Variants in CEACAM7 observed in about 807,000 individuals in gnomAD.
CEACAM7 encodes the protein CEA cell adhesion molecule 7.
In CEACAM7, 24 loss-of-function variants were observed where a neutral mutation model predicts 25.7. That is an observed-to-expected ratio of 0.93 (90% CI 0.68 to 1.31). The LOEUF is 1.31. Ranked by LOEUF, CEACAM7 falls within the 40% of genes most tolerant of loss-of-function variation. CEACAM7 has a pLI of 0.00. For missense variants in CEACAM7, 324 were observed against 330.1 expected (o/e 0.98, Z 0.14); for synonymous variants, 144 against 129.4 (o/e 1.11, Z -0.77).
At chr19:41,675,158 A>G (rs2072101722) in intron 4 of CEACAM7, among the ~76,000 whole-genome samples, 1 of 152,202 alleles carries the variant, frequency 6.6e-6, no homozygotes, top group Non-Finnish European at 1.5e-5. Context: ...TATAACCAGT[A>G]TTTTTAAATG....
intron 4 of CEACAM7, among the ~76,000 whole-genome samples, chr19:41,675,017 C>G (rs7250319): frequency 0.44 from 67,505 of 151,990 alleles, 16,581 homozygotes; most frequent in Middle Eastern, 0.61. Flanking sequence ...TCAGATTAAA[C>G]TTTTAGAAAC....
At chr19:41,676,309 CTCTTTCT>C (rs1294413747) in intron 4 of CEACAM7, among the ~76,000 whole-genome samples, 1 of 152,172 alleles carries the variant, frequency 6.6e-6, no homozygotes, top group African/African-American at 2.4e-5. Flanking sequence ...CATTAGATTT[CTCTTTCT>C]TCTTGTGGAA....
chr19:41,688,133 C>T lies in CEACAM7; in HGVS notation c.33G>A (p.Val11=). 1 of 1,612,324 alleles carries T rather than the reference C, an allele frequency of 6.2e-7. No individual in the cohort carries two copies. The highest frequency in any genetic ancestry group is 8.5e-7 in the Non-Finnish European group (1 of 1,178,988). ...GCAGGAGCCCCTGCCAGGGAATGCA[C>T]ACTCTGTATGGACAGGCTGAAGGGG... is the stretch of plus-strand genomic sequence containing the variant. The part of the protein sequence containing the change: MGSPSACPYR[V]CIPWQGLLLT... The change falls in exon 1 of 5, where the codon GTG becomes GTA. Residue 11 remains valine, a synonymous_variant. Transcript: ENST00000401731.
At position 41,688,217 on chromosome 19, in the gene CEACAM7, C is replaced by T; in HGVS notation, c.-52G>A. 1 of 1,592,582 alleles carries T rather than the reference C, an allele frequency of 6.3e-7. No individual in the cohort carries two copies. The highest frequency in any genetic ancestry group is 1.1e-5 in the South Asian group (1 of 88,470). Reference sequence around the variant, plus strand: ...TGGAGAAGAGCTTGGGCTCCAGGAACTCTCTTGTCAGGGCTGCTGTGACTG... The same window carrying T: ...TGGAGAAGAGCTTGGGCTCCAGGAATTCTCTTGTCAGGGCTGCTGTGACTG... On this transcript the variant is annotated 5_prime_UTR_variant, in exon 1 of 5. Coordinates refer to ENST00000401731, the MANE Select transcript of CEACAM7 (RefSeq NM_001291485.2).
chr19:41,687,025 A>C lies in CEACAM7; in HGVS notation c.261T>G (p.Ser87Arg), dbSNP rs868937694. Reference protein sequence around the residue: ...YRIIGYVKNISQENAPGPAHN... With the variant: ...YRIIGYVKNIRQENAPGPAHN... ...GTGCGGGCCCTGGGGCATTTTCTTG[A>C]CTTATATTTTTTACATATCCTATAA... Residue 87 changes from serine (S) to arginine (R), a missense_variant, in exon 2 of 5, where the codon AGT becomes AGG. Coordinates refer to ENST00000401731, the MANE Select transcript of CEACAM7 (RefSeq NM_001291485.2). 3.1e-6 allele frequency: 5 copies of C among 1,613,620 alleles called. 1 individual carries two copies. In the African/African-American group the frequency reaches 6.7e-5, roughly 22 times the overall value.
rs2072234927 is a variant in CEACAM7 at position 41,687,071 on chromosome 19, C to T, written c.215G>A (p.Arg72Lys). The T allele has an allele frequency of 6.2e-7, 1 of 1,614,086 alleles. No individual in the cohort carries two copies. The change falls in exon 2 of 5, where the codon AGG (arginine) becomes AAG (lysine). Residue 72 changes from arginine (R) to lysine (K), a missense_variant. Coordinates refer to ENST00000401731, the MANE Select transcript of CEACAM7 (RefSeq NM_001291485.2). ...LYGYNWYKGE[R>K]VHANYRIIGY... is the part of the protein sequence containing the mutation. ...TATAATTCGATAGTTGGCATGCACCCTTTCCCCTTTGTACCAGTTGTAGCC... is the reference window on the plus strand; with the variant it reads ...TATAATTCGATAGTTGGCATGCACCTTTTCCCCTTTGTACCAGTTGTAGCC...
chr19:41,678,203 C>G (rs1555810333), intron 3 of CEACAM7, among the ~76,000 whole-genome samples: 1 of 152,022 alleles, frequency 6.6e-6, no homozygotes, highest in African/African-American at 2.4e-5. Context: ...TGAATGAAAA[C>G]TAACATACTA....
At chr19:41,678,117 C>T (rs1425086396) in intron 3 of CEACAM7, among the ~76,000 whole-genome samples, 1 of 152,112 alleles carries the variant, frequency 6.6e-6, no homozygotes, top group Non-Finnish European at 1.5e-5. Context: ...CTCCCCCTCC[C>T]AGCCCACTTT....
chr19:41,678,921 T>C (rs1406871370), intron 3 of CEACAM7, among the ~76,000 whole-genome samples: 15 of 152,118 alleles, frequency 9.9e-5, no homozygotes, highest in Admixed American at 9.8e-4. Flanking sequence ...AATACATACA[T>C]TTAAAAAGAA....
chr19:41,687,994 C>T, intron 1 of CEACAM7, 108 bp downstream of exon 1: 1 of 882,698 alleles, frequency 1.1e-6, no homozygotes, highest in Admixed American at 2.9e-5. Flanking sequence ...TCCCAAAGGA[C>T]TTCAACAGAA....
intron 2 of CEACAM7, among the ~76,000 whole-genome samples, chr19:41,685,423 G>A (rs2072217034): frequency 6.6e-6 from 1 of 152,164 alleles, no homozygotes; most frequent in South Asian, 2.1e-4. Flanking sequence ...TTAGGGGCAG[G>A]GGATGAGAGA....
chr19:41,684,163 C>A, intron 2 of CEACAM7, 100 bp from the exon 3 acceptor site: 1 of 1,315,914 alleles, frequency 7.6e-7, no homozygotes. Flanking sequence ...TCTAAGCCCA[C>A]TCAAGTCCTT....
At chr19:41,676,083 A>G (rs1157777939) in intron 4 of CEACAM7, among the ~76,000 whole-genome samples, 1 of 152,238 alleles carries the variant, frequency 6.6e-6, no homozygotes, top group African/African-American at 2.4e-5. Flanking sequence ...ATTTTGATAC[A>G]TACCCCTAGC....
At chr19:41,675,821 A>G (rs1409161613) in intron 4 of CEACAM7, among the ~76,000 whole-genome samples, 1 of 152,254 alleles carries the variant, frequency 6.6e-6, no homozygotes, top group Non-Finnish European at 1.5e-5. Flanking sequence ...CTGACAAAAT[A>G]TTAGATTTCT....
chr19:41,683,688 C>G, intron 3 of CEACAM7, 97 bp downstream of exon 3: 2 of 1,524,812 alleles, frequency 1.3e-6, no homozygotes, highest in Non-Finnish European at 1.8e-6. Flanking sequence ...AGGTGAGGGT[C>G]TGTGTACTTG....
chr19:41,687,265 T>C (rs1302043576), intron 1 of CEACAM7, 44 bp from the exon 2 acceptor site: 22 of 1,534,830 alleles, frequency 1.4e-5, no homozygotes, highest in Non-Finnish European at 1.9e-5. Context: ...GACCTATGTA[T>C]TGGGGTGGAA....
rs553684280 is a variant in CEACAM7 at position 41,680,354 on chromosome 19, A to G, written c.707-2851T>C. 3.9e-5 allele frequency among the ~76,000 whole-genome samples: 6 copies of G among 152,244 alleles called. No homozygotes were observed. The South Asian group carries it at 1.2e-3, about 32-fold the overall frequency. On this transcript the variant is annotated intron_variant, in intron 3 of 4. Coordinates refer to ENST00000401731, the MANE Select transcript of CEACAM7 (RefSeq NM_001291485.2). The stretch of plus-strand genomic sequence containing the variant: ...GATTGGAAGACCTAATATCATTAAG[A>G]TGATAATATTAATGCAATCCCTACC...
chr19:41,681,100 T>C (rs1024048638), intron 3 of CEACAM7, among the ~76,000 whole-genome samples: 1 of 152,048 alleles, frequency 6.6e-6, no homozygotes, highest in Non-Finnish European at 1.5e-5. Context: ...AATTTAAAAA[T>C]GGGCAAAGGA....
chr19:41,687,089 T>C lies in CEACAM7; in HGVS notation c.197A>G (p.Asn66Ser). 1 of 1,614,162 alleles carries C rather than the reference T, an allele frequency of 6.2e-7. No homozygotes were observed. The change falls in exon 2 of 5, where the codon AAC becomes AGC. Residue 66 changes from asparagine (N) to serine (S), a missense_variant. By Grantham distance (46) the Asn-to-Ser change is conservative. Transcript: ENST00000401731. The part of the protein sequence containing the change: ...HNESQNLYGY[N>S]WYKGERVHAN... ...ATGCACCCTTTCCCCTTTGTACCAG[T>C]TGTAGCCATAAAGATTCTGGGACTC...
Sources: gnomAD v4.1 joint callset for allele counts (sites outside exome capture counted in the v4.1 genomes callset) on GRCh38, gnomAD v4.1.1 for gene constraint, MANE v1.5 for transcripts, NCBI Gene and HGNC (gene_info 2026-07-23, HGNC 2026-07-21) for gene names.